Variants in NVL observed in about 807,000 individuals in gnomAD.
The protein encoded by NVL is nuclear valosin-containing protein-like.
Under a neutral mutation model 110.2 loss-of-function variants are expected in NVL, and 84 were observed. The ratio of observed to expected loss-of-function variants is 0.76; its 90% confidence interval spans 0.64 to 0.91. The LOEUF is 0.91. Ranked by LOEUF, NVL falls within the 40% of genes least tolerant of loss-of-function variation. NVL has a pLI of 0.00. For missense variants in NVL, 882 were observed against 1,035.9 expected (o/e 0.85, Z 2.04); for synonymous variants, 354 against 361.1 (o/e 0.98, Z 0.22).
At chr1:224,296,668 C>T in intron 10 of NVL, 50 bp from the exon 11 acceptor site, 1 of 1,113,104 alleles carries the variant, frequency 9.0e-7, no homozygotes, top group Admixed American at 2.3e-5. Context: ...ATCCCCTATA[C>T]TGAAGCACAA....
chr1:224,304,875 G>C (rs975439940), intron 7 of NVL, 63 bp from the exon 8 acceptor site: 7 of 1,501,552 alleles, frequency 4.7e-6, no homozygotes, highest in African/African-American at 1.4e-5. Context: ...TAATTATAAT[G>C]AATAGTCTTT....
intron 17 of NVL, among the ~76,000 whole-genome samples, chr1:224,273,598 A>G (rs1163024539): frequency 6.6e-6 from 1 of 152,156 alleles, no homozygotes; most frequent in Non-Finnish European, 1.5e-5. Flanking sequence ...ACCTCTCCAA[A>G]TTTAGATTTA....
chr1:224,237,136 A>G (rs1660576939), intron 19 of NVL, among the ~76,000 whole-genome samples: 1 of 152,230 alleles, frequency 6.6e-6, no homozygotes. Context: ...ACTAAACACC[A>G]TCAACAAGAA....
At chr1:224,317,575 G>T in intron 4 of NVL, 119 bp downstream of exon 4, 1 of 647,794 alleles carries the variant, frequency 1.5e-6, no homozygotes, top group Non-Finnish European at 2.7e-6. Context: ...GGCTGAAGAG[G>T]TTAGGTAAAT....
intron 9 of NVL, among the ~76,000 whole-genome samples, chr1:224,301,418 C>T (rs754205878): frequency 2.8e-4 from 43 of 151,972 alleles, no homozygotes; most frequent in Non-Finnish European, 5.1e-4. Flanking sequence ...ACAATTCTTA[C>T]CCATCTGCTA....
intron 10 of NVL, among the ~76,000 whole-genome samples, chr1:224,300,103 C>G (rs561671965): frequency 6.6e-6 from 1 of 152,258 alleles, no homozygotes; most frequent in East Asian, 1.9e-4. Context: ...TCAATAGCCA[C>G]GTGAGATTTG....
intron 19 of NVL, among the ~76,000 whole-genome samples, 164 bp downstream of exon 19, chr1:224,250,048 G>A (rs1202879630): frequency 1.3e-5 from 2 of 152,188 alleles, no homozygotes; most frequent in Non-Finnish European, 2.9e-5. Context: ...TTATTTTAAA[G>A]TAATAATCGA....
intron 18 of NVL, among the ~76,000 whole-genome samples, chr1:224,255,590 G>A (rs1316028072): frequency 1.3e-5 from 2 of 151,960 alleles, no homozygotes; most frequent in Non-Finnish European, 2.9e-5. Context: ...TTGCATTTTT[G>A]TAAGAGACTG....
chr1:224,270,384 C>G (rs936891386), intron 17 of NVL, among the ~76,000 whole-genome samples: 12 of 152,000 alleles, frequency 7.9e-5, no homozygotes, highest in Non-Finnish European at 1.2e-4. Flanking sequence ...TGGCAAAACC[C>G]CATCTCTACT....
chr1:224,309,110 A>G (rs1669260997), intron 5 of NVL, among the ~76,000 whole-genome samples: 2 of 151,540 alleles, frequency 1.3e-5, no homozygotes, highest in South Asian at 4.2e-4. Context: ...ATGGAAACCA[A>G]TTCATAATTG....
intron 10 of NVL, chr1:224,298,323 A>G: frequency 4.2e-6 from 1 of 235,668 alleles, no homozygotes; most frequent in Non-Finnish European, 8.2e-6. Context: ...AGAGTCTATA[A>G]CGTTATCCAG....
At chr1:224,320,507 C>T (rs1018945047) in intron 2 of NVL, among the ~76,000 whole-genome samples, 8 of 152,054 alleles carry the variant, frequency 5.3e-5, no homozygotes, top group Admixed American at 3.3e-4. Context: ...ATCAGCCAGG[C>T]ATGGTGGTGG....
chr1:224,272,698 C>T (rs1299273469), intron 17 of NVL, among the ~76,000 whole-genome samples: 7 of 151,728 alleles, frequency 4.6e-5, no homozygotes, highest in Non-Finnish European at 1.0e-4. Flanking sequence ...GCTTGGGTGA[C>T]AGAGCAAGAC....
Position 224,227,590 on chromosome 1 carries a change from G to T in NVL, c.*36C>A, listed in dbSNP as rs771326911. 2.5e-6 allele frequency: 4 copies of T among 1,593,938 alleles called. No homozygotes were observed. Among genetic ancestry groups the T allele is most frequent in the Non-Finnish European group, 8.6e-7 (1 of 1,165,328 alleles). On this transcript the variant is annotated 3_prime_UTR_variant, in exon 23 of 23. Transcript: ENST00000281701. Reference sequence around the variant, plus strand: ...CGTGTGGGGGATTCTCTGCCGGCTTGATGGGCTAGCTCCTCTAAGCCGGCT... The same window carrying T: ...CGTGTGGGGGATTCTCTGCCGGCTTTATGGGCTAGCTCCTCTAAGCCGGCT...
rs370448951 is a variant in NVL at position 224,303,675 on chromosome 1, T to C, written c.960+48A>G. 110 of 1,579,088 alleles carry C rather than the reference T, an allele frequency of 7.0e-5. No individual in the cohort carries two copies. In the African/African-American group the frequency reaches 1.4e-3, roughly 20 times the overall value. The stretch of plus-strand genomic sequence containing the variant: ...ACCAAAGAGAAAAAACAAAAACAAA[T>C]AATAACAACAAAAACAGCAAAAGCA... On this transcript the variant is annotated intron_variant, in intron 9 of 22. Coordinates refer to ENST00000281701, the MANE Select transcript of NVL (RefSeq NM_002533.4).
intron 15 of NVL, 59 bp downstream of exon 15, chr1:224,285,967 T>C (rs983236610): frequency 1.3e-4 from 169 of 1,298,366 alleles, no homozygotes; most frequent in Non-Finnish European, 1.8e-4. Context: ...AAAGTTAAGT[T>C]CATATTATCC....
intron 17 of NVL, among the ~76,000 whole-genome samples, chr1:224,272,563 C>T (rs917356907): frequency 3.3e-5 from 5 of 150,286 alleles, no homozygotes; most frequent in East Asian, 4.0e-4. Context: ...ACTAAAAATA[C>T]AAAATTAGCC....
intron 10 of NVL, among the ~76,000 whole-genome samples, chr1:224,299,791 C>G (rs1668221441): frequency 6.6e-6 from 1 of 152,134 alleles, no homozygotes; most frequent in Non-Finnish European, 1.5e-5. Context: ...TCAGCCCGCA[C>G]CATAACTAAG....
At chr1:224,317,966 C>T (rs1253070897) in intron 2 of NVL, 36 bp from the exon 3 acceptor site, 1 of 1,412,846 alleles carries the variant, frequency 7.1e-7, no homozygotes, top group Non-Finnish European at 9.8e-7. Flanking sequence ...CCATAGTAGT[C>T]TCCACCAATA....
Sources: gnomAD v4.1 joint callset for allele counts (sites outside exome capture counted in the v4.1 genomes callset) on GRCh38, gnomAD v4.1.1 for gene constraint, MANE v1.5 for transcripts, NCBI Gene and HGNC (gene_info 2026-07-23, HGNC 2026-07-21) for gene names.